ANKRD44: variants seen among roughly 807,000 people sequenced by gnomAD.
The protein encoded by ANKRD44 is serine/threonine-protein phosphatase 6 regulatory ankyrin repeat subunit B.
In ANKRD44, 35 loss-of-function variants were observed where a neutral mutation model predicts 116.0. The ratio of observed to expected loss-of-function variants is 0.30; its 90% CI spans 0.23 to 0.40. The LOEUF (loss-of-function observed/expected upper bound fraction) is 0.40. Ranked by LOEUF, ANKRD44 falls within the 10% of genes least tolerant of loss-of-function variation. The probability of loss-of-function intolerance (pLI) is 1.00; values close to 1 mark genes in which losing one functional copy is unlikely to be tolerated. For synonymous variants in ANKRD44, 435 were observed against 461.8 expected (o/e 0.94, Z 0.74); for missense variants, 1,014 against 1,242.6 (o/e 0.82, Z 2.77).
chr2:197,056,251 T>A (rs1292300183), intron 16 of ANKRD44, among the ~76,000 whole-genome samples: 2 of 152,096 alleles, frequency 1.3e-5, no homozygotes, highest in Non-Finnish European at 2.9e-5. Context: ...CATGTCTGTA[T>A]AAAATTTAAA....
intron 1 of ANKRD44, among the ~76,000 whole-genome samples, chr2:197,272,208 C>A (rs1008959850): frequency 6.6e-6 from 1 of 152,056 alleles, no homozygotes; most frequent in Non-Finnish European, 1.5e-5. Context: ...AAATAAATTT[C>A]TATTGTTTTA....
intron 1 of ANKRD44, chr2:197,302,274 T>C (rs2083933762): frequency 6.6e-6 from 1 of 152,426 alleles, no homozygotes; most frequent in Non-Finnish European, 1.5e-5. Flanking sequence ...TGACAAGTTC[T>C]GAGTTCCATC....
chr2:197,197,949 C>G (rs1330982926), intron 1 of ANKRD44: 2 of 152,114 alleles, frequency 1.3e-5, no homozygotes, highest in Non-Finnish European at 2.9e-5. Flanking sequence ...CAAATACGCA[C>G]AGCTAGAATG....
At chr2:197,126,130 A>G in intron 4 of ANKRD44, 93 bp from the exon 5 acceptor site, 1 of 1,312,590 alleles carries the variant, frequency 7.6e-7, no homozygotes, top group Non-Finnish European at 1.1e-6. Context: ...GGAACTATGG[A>G]GAGAAAGGCT....
chr2:197,277,353 G>A (rs1291961216), intron 1 of ANKRD44, among the ~76,000 whole-genome samples: 1 of 152,020 alleles, frequency 6.6e-6, no homozygotes, highest in Non-Finnish European at 1.5e-5. Context: ...GCACATAACT[G>A]TTAAGTGCTA....
At chr2:197,025,290 A>G in intron 16 of ANKRD44, 23 bp from the exon 17 acceptor site, 1 of 1,597,254 alleles carries the variant, frequency 6.3e-7, no homozygotes, top group Non-Finnish European at 8.6e-7. Context: ...AAAGCAAACA[A>G]TAGTACGTGA....
At chr2:197,005,008 GGCT>G (rs1188382132) in intron 21 of ANKRD44, among the ~76,000 whole-genome samples, 25 of 151,870 alleles carry the variant, frequency 1.6e-4, no homozygotes, top group African/African-American at 5.8e-4. Context: ...ATTATAGAAT[GGCT>G]GCTATTTGTT....
chr2:197,007,685 T>C, intron 20 of ANKRD44, 121 bp downstream of exon 20: 2 of 711,696 alleles, frequency 2.8e-6, no homozygotes, highest in South Asian at 3.5e-5. Flanking sequence ...AGGAAACAAT[T>C]TTTGCTAAAC....
chr2:197,297,604 G>A (rs2083760568), intron 1 of ANKRD44, among the ~76,000 whole-genome samples: 2 of 152,162 alleles, frequency 1.3e-5, no homozygotes, highest in African/African-American at 4.8e-5. Flanking sequence ...CAGGAAGATG[G>A]ACACAGCTTG....
intron 3 of ANKRD44, among the ~76,000 whole-genome samples, chr2:197,141,668 C>G (rs2079371381): frequency 6.6e-6 from 1 of 151,938 alleles, no homozygotes; most frequent in Non-Finnish European, 1.5e-5. Flanking sequence ...TGTTTAAGTC[C>G]TCCATTCCTC....
intron 17 of ANKRD44, among the ~76,000 whole-genome samples, chr2:197,020,990 C>CTT (rs2076488015): frequency 6.6e-6 from 1 of 152,060 alleles, no homozygotes; most frequent in African/African-American, 2.4e-5. Context: ...ATGTTCCCTG[C>CTT]CCTGTGTCCA....
At chr2:197,111,118 A>G (rs2078554500) in intron 8 of ANKRD44, among the ~76,000 whole-genome samples, 1 of 152,200 alleles carries the variant, frequency 6.6e-6, no homozygotes, top group African/African-American at 2.4e-5. Flanking sequence ...GAAAAGATAA[A>G]ATGTACCTGA....
At chr2:197,115,130 A>G (rs543216410) in intron 8 of ANKRD44, among the ~76,000 whole-genome samples, 13 of 152,300 alleles carry the variant, frequency 8.5e-5, no homozygotes, top group African/African-American at 2.6e-4. Flanking sequence ...TAAATGATCT[A>G]AGAGCCTGCA....
chr2:197,165,983 C>G (rs1207199230), intron 2 of ANKRD44, among the ~76,000 whole-genome samples: 1 of 152,172 alleles, frequency 6.6e-6, no homozygotes, highest in East Asian at 1.9e-4. Flanking sequence ...TAAGTTCATA[C>G]TTTAGTAGAG....
At chr2:196,969,486 C>T (rs1014349809) in intron 21 of ANKRD44, among the ~76,000 whole-genome samples, 7 of 152,052 alleles carry the variant, frequency 4.6e-5, no homozygotes, top group Non-Finnish European at 8.8e-5. Flanking sequence ...AACAAACTGT[C>T]GTTTGGTATG....
chr2:197,029,414 G>T (rs148250244), intron 16 of ANKRD44: 10 of 307,384 alleles, frequency 3.3e-5, no homozygotes, highest in African/African-American at 1.6e-4. Context: ...TGGAGCTCTA[G>T]GCTTTTCAAG....
chr2:197,186,507 C>A (rs1459456442), intron 2 of ANKRD44, among the ~76,000 whole-genome samples: 1 of 151,310 alleles, frequency 6.6e-6, no homozygotes, highest in Non-Finnish European at 1.5e-5. Flanking sequence ...CTCTGTCAAC[C>A]AGGCTAGAGT....
At chr2:197,164,022 G>C (rs562457448) in intron 2 of ANKRD44, among the ~76,000 whole-genome samples, 1 of 152,270 alleles carries the variant, frequency 6.6e-6, no homozygotes, top group South Asian at 2.1e-4. Context: ...AAAGGAAGCC[G>C]GGTCACGTGG....
chr2:197,130,599 C>T (rs576285006), intron 4 of ANKRD44, among the ~76,000 whole-genome samples: 1 of 152,132 alleles, frequency 6.6e-6, no homozygotes, highest in Non-Finnish European at 1.5e-5. Flanking sequence ...AGCTGGGTAC[C>T]GCTTGTCTAC....
Sources: gnomAD v4.1 joint callset for allele counts (sites outside exome capture counted in the v4.1 genomes callset) on GRCh38, gnomAD v4.1.1 for gene constraint, MANE v1.5 for transcripts, NCBI Gene and HGNC (gene_info 2026-07-23, HGNC 2026-07-21) for gene names.